Variants in RBKS observed in about 807,000 individuals in gnomAD.
RBKS encodes ribokinase.
RBKS carries 33 observed loss-of-function variants against 33.9 expected under a neutral mutation model. That is an observed-to-expected ratio of 0.97 (90% CI 0.74 to 1.30). RBKS has a LOEUF of 1.30. Among genes scored for constraint, RBKS ranks in the 50% most tolerant of loss-of-function variants. RBKS has a pLI of 0.00. For synonymous variants in RBKS, 125 were observed against 143.0 expected (o/e 0.87, Z 0.90); for missense variants, 361 against 392.6 (o/e 0.92, Z 0.68).
intron 7 of RBKS, among the ~76,000 whole-genome samples, chr2:27,783,510 G>C (rs188947606): frequency 9.1e-4 from 138 of 152,310 alleles, no homozygotes; most frequent in Non-Finnish European, 9.0e-4. Context: ...AACGTCCTGA[G>C]AAAGTCTGTG....
At chr2:27,861,486 T>C (rs1043225224) in intron 1 of RBKS, 3 of 471,010 alleles carry the variant, frequency 6.4e-6, no homozygotes, top group African/African-American at 6.0e-5. Context: ...CTAGAAGTCA[T>C]ATATTCCTTC....
intron 2 of RBKS, among the ~76,000 whole-genome samples, chr2:27,854,995 A>C (rs1010306639): frequency 2.6e-5 from 4 of 152,204 alleles, no homozygotes; most frequent in Non-Finnish European, 4.4e-5. Flanking sequence ...ACTTTATTGT[A>C]TGCTTAAAAT....
At chr2:27,846,108 G>A (rs1272620624) in intron 4 of RBKS, among the ~76,000 whole-genome samples, 1 of 152,124 alleles carries the variant, frequency 6.6e-6, no homozygotes, top group African/African-American at 2.4e-5. Flanking sequence ...GAGATTACAG[G>A]CATTTGCCAC....
intron 7 of RBKS, among the ~76,000 whole-genome samples, chr2:27,820,573 CTCTCTCTT>C (rs1260361883): frequency 6.0e-4 from 90 of 150,204 alleles, no homozygotes; most frequent in African/African-American, 2.1e-3. Context: ...CTCTCTCTCT[CTCTCTCTT>C]TCTTTCTTTT....
chr2:27,813,897 G>T (rs377757498), intron 7 of RBKS, among the ~76,000 whole-genome samples: 15 of 152,286 alleles, frequency 9.8e-5, no homozygotes, highest in African/African-American at 3.6e-4. Flanking sequence ...ATTTTAATAA[G>T]CTAATACTGT....
intron 1 of RBKS, among the ~76,000 whole-genome samples, chr2:27,878,295 C>T (rs1664354482): frequency 6.7e-6 from 1 of 149,740 alleles, no homozygotes; most frequent in South Asian, 2.1e-4. Flanking sequence ...GCTTTTTGTT[C>T]TTGCGATAGT....
chr2:27,813,276 A>G (rs1416864476), intron 7 of RBKS, among the ~76,000 whole-genome samples: 8 of 152,188 alleles, frequency 5.3e-5, no homozygotes, highest in African/African-American at 1.9e-4. Flanking sequence ...ACAATCTACC[A>G]TGAAGAGTAA....
At chr2:27,819,779 G>A (rs140287232) in intron 7 of RBKS, among the ~76,000 whole-genome samples, 4 of 152,284 alleles carry the variant, frequency 2.6e-5, no homozygotes, top group African/African-American at 9.6e-5. Context: ...TTTGAATGAC[G>A]AACAGAAACA....
chr2:27,809,858 T>C, intron 7 of RBKS: 1 of 1,153,176 alleles, frequency 8.7e-7, no homozygotes, highest in Non-Finnish European at 1.1e-6. Flanking sequence ...GTTCCACTTC[T>C]GCTGATGCAC....
At chr2:27,889,532 A>T (rs775585505) in intron 1 of RBKS, among the ~76,000 whole-genome samples, 106 of 152,056 alleles carry the variant, frequency 7.0e-4, no homozygotes, top group Non-Finnish European at 3.1e-4. Flanking sequence ...ACCTTAATTT[A>T]AAAAAAAGAA....
intron 5 of RBKS, among the ~76,000 whole-genome samples, chr2:27,839,843 G>C (rs1663436402): frequency 6.6e-6 from 1 of 152,064 alleles, no homozygotes; most frequent in South Asian, 2.1e-4. Flanking sequence ...AAAGTGACAT[G>C]AAAGAACTGT....
chr2:27,782,173 T>A (rs1015630669), intron 7 of RBKS, among the ~76,000 whole-genome samples: 3 of 152,094 alleles, frequency 2.0e-5, no homozygotes, highest in Non-Finnish European at 4.4e-5. Flanking sequence ...TTTTTCTTTT[T>A]TTTAAAGAGA....
rs538034107 is a variant in RBKS at position 27,814,082 on chromosome 2, A to C, written c.795+13485T>G. 2.6e-5 allele frequency among the ~76,000 whole-genome samples: 4 copies of C among 152,112 alleles called. No homozygotes were observed. In the South Asian group the frequency reaches 8.3e-4, roughly 32 times the overall value. On this transcript the variant is annotated intron_variant, in intron 7 of 7. Transcript: ENST00000302188. ...CTAGAAAAAAAAAAATCAGCTGGGC[A>C]TAATGGTGTATGCCTGTGGTCCCAG...
intron 7 of RBKS, among the ~76,000 whole-genome samples, chr2:27,789,621 A>G (rs535049092): frequency 1.3e-4 from 19 of 151,620 alleles, no homozygotes; most frequent in African/African-American, 4.4e-4. Context: ...TTGGAGTGCA[A>G]TGGTGCTGTC....
chr2:27,853,885 C>T (rs2148217042), intron 2 of RBKS, among the ~76,000 whole-genome samples: 1 of 152,290 alleles, frequency 6.6e-6, no homozygotes, highest in African/African-American at 2.4e-5. Flanking sequence ...ATCTAGCTGT[C>T]TTTCAACAGA....
intron 7 of RBKS, among the ~76,000 whole-genome samples, chr2:27,817,673 A>G (rs1185221786): frequency 1.3e-5 from 2 of 152,190 alleles, no homozygotes; most frequent in South Asian, 2.1e-4. Flanking sequence ...GCTGCAGTAT[A>G]CTGTACAAGG....
Position 27,788,383 on chromosome 2 carries a change from C to T in RBKS, c.796-6595G>A, listed in dbSNP as rs541700907. Among the ~76,000 whole-genome samples the T allele has an allele frequency of 2.0e-5, 3 of 152,296 alleles. No homozygotes were observed. In the East Asian group the frequency reaches 5.8e-4, roughly 29 times the overall value. On this transcript the variant is annotated intron_variant, in intron 7 of 7. Transcript: ENST00000302188. ...AAGCTACTAGAAATAGTAGGTTTAG[C>T]AAGGTAACGGGACACAAGGTCACTA...
chr2:27,843,263 C>T (rs1017595759), intron 4 of RBKS, 32 bp from the exon 5 acceptor site: 14 of 1,524,386 alleles, frequency 9.2e-6, no homozygotes, highest in Non-Finnish European at 1.3e-5. Context: ...TATATTAAAA[C>T]TAAACAAAGC....
intron 2 of RBKS, among the ~76,000 whole-genome samples, chr2:27,850,354 T>A (rs1302620040): frequency 6.6e-6 from 1 of 152,234 alleles, no homozygotes; most frequent in Non-Finnish European, 1.5e-5. Context: ...ATAGTTTACA[T>A]TAGGGTTCAC....
Sources: gnomAD v4.1 joint callset for allele counts (sites outside exome capture counted in the v4.1 genomes callset) on GRCh38, gnomAD v4.1.1 for gene constraint, MANE v1.5 for transcripts, NCBI Gene and HGNC (gene_info 2026-07-23, HGNC 2026-07-21) for gene names.